IGF1: variants seen among roughly 807,000 people sequenced by gnomAD.
The protein encoded by IGF1 is insulin-like growth factor 1.
IGF1 carries 4 observed loss-of-function variants against 13.8 expected under a neutral mutation model. The observed-to-expected ratio is 0.29, with a 90% CI of 0.14 to 0.66. The LOEUF is 0.66. Among genes scored for constraint, IGF1 ranks in the 30% least tolerant of loss-of-function variants. The pLI is 0.78. For synonymous variants in IGF1, 76 were observed against 72.6 expected, an observed-to-expected ratio of 1.05 and a Z score of -0.23; for missense variants, 124 against 188.5, an observed-to-expected ratio of 0.66 and a Z score of 2.00.
rs569023467 is a variant in IGF1 at position 102,404,819 on chromosome 12, G to A, written c.403-2253C>T. Among the ~76,000 whole-genome samples the A allele has an allele frequency of 1.0e-4, 15 of 149,792 alleles. No individual in the cohort carries two copies. The South Asian group carries it at 1.1e-3, about 11-fold the overall frequency. ...GTCACCCAGGCTGGAGTGCAGTGGC[G>A]CGTTCTCAGCTCACTGCAACCTCTG... On this transcript the variant is annotated intron_variant, in intron 3 of 3. Transcript: ENST00000337514.
intron 2 of IGF1, among the ~76,000 whole-genome samples, chr12:102,434,096 A>G (rs1392664546): frequency 6.6e-6 from 1 of 151,052 alleles, no homozygotes; most frequent in Admixed American, 6.6e-5. Context: ...TTTTGATTTC[A>G]CTTGTTTCAT....
intron 2 of IGF1, among the ~76,000 whole-genome samples, chr12:102,432,450 A>T (rs146922873): frequency 6.6e-6 from 1 of 152,326 alleles, no homozygotes; most frequent in African/African-American, 2.4e-5. Flanking sequence ...ATTATCAGAC[A>T]ATCCTATTTT....
chr12:102,447,243 G>A lies in IGF1; in HGVS notation c.221-27553C>T, dbSNP rs145274162. On this transcript the variant is annotated intron_variant, in intron 2 of 3. Coordinates refer to ENST00000337514, the MANE Select transcript of IGF1 (RefSeq NM_000618.5). ...AGTTCTGTAGATGTCTATCAGGTCC[G>A]CTTGATCCAGAGCTGAGTTCAAGTC... Among the ~76,000 whole-genome samples, 356 of 152,208 alleles carry A rather than the reference G, an allele frequency of 2.3e-3. 1 individual carries two copies. Among genetic ancestry groups the A allele is most frequent in the African/African-American group, 7.8e-3 (322 of 41,528 alleles).
chr12:102,439,962 A>C (rs1402317996), intron 2 of IGF1, among the ~76,000 whole-genome samples: 1 of 152,174 alleles, frequency 6.6e-6, no homozygotes, highest in East Asian at 1.9e-4. Flanking sequence ...TGCTGACCCC[A>C]GGCGCTGTGG....
chr12:102,456,747 A>C (rs994981119), intron 2 of IGF1, among the ~76,000 whole-genome samples: 1 of 152,182 alleles, frequency 6.6e-6, no homozygotes, highest in African/African-American at 2.4e-5. Context: ...AGCAATTCCT[A>C]CATTTGCCCT....
At chr12:102,445,136 G>A (rs546270063) in intron 2 of IGF1, among the ~76,000 whole-genome samples, 12 of 152,138 alleles carry the variant, frequency 7.9e-5, no homozygotes, top group Admixed American at 2.0e-4. Context: ...TTTGGTTACC[G>A]TAGACTTGTA....
Position 102,402,331 on chromosome 12 carries a change from C to T in IGF1, c.*176G>A. The T allele has an allele frequency of 1.5e-6, 1 of 672,876 alleles. No homozygotes were observed. The highest frequency in any genetic ancestry group is 2.7e-6 in the Non-Finnish European group (1 of 366,842). The allele number at this position is 672,876 out of a possible 1,614,324, so 41.7% of individuals were successfully genotyped here. On this transcript the variant is annotated 3_prime_UTR_variant, in exon 4 of 4. Coordinates refer to ENST00000337514, the MANE Select transcript of IGF1 (RefSeq NM_000618.5). Reference sequence around the variant, plus strand: ...AGGACCATTTTTGCAAGGTGCAAATCACTCCTAAAGACAATGTTGGAATGT... The same window carrying T: ...AGGACCATTTTTGCAAGGTGCAAATTACTCCTAAAGACAATGTTGGAATGT...
Position 102,428,236 on chromosome 12 carries a change from G to GTATA in IGF1, c.221-8550_221-8547dup, listed in dbSNP as rs56947594. 2.3e-3 allele frequency among the ~76,000 whole-genome samples: 157 copies of GTATA among 69,578 alleles called. 29 individuals carry two copies. Among genetic ancestry groups the GTATA allele is most frequent in the South Asian group, 0.018 (33 of 1,872 alleles). The allele number at this position is 69,578 out of a possible 152,430, so 45.6% of individuals were successfully genotyped here. A position where few individuals can be genotyped will look rare whatever the true frequency, so the allele number is the denominator to read the frequency against. Reference sequence around the variant, plus strand: ...CGACCCACTTTGTAATCAATAATGTGTATATATATATATGGCATATTAATG... The same window carrying GTATA: ...CGACCCACTTTGTAATCAATAATGTGTATATATATATATATATGGCATATTAATG... On this transcript the variant is annotated intron_variant, in intron 2 of 3. Coordinates refer to ENST00000337514, the MANE Select transcript of IGF1 (RefSeq NM_000618.5).
intron 2 of IGF1, among the ~76,000 whole-genome samples, chr12:102,438,563 G>A (rs781244138): frequency 4.6e-5 from 7 of 152,040 alleles, no homozygotes; most frequent in African/African-American, 7.3e-5. Context: ...ATAGACCACC[G>A]GACTCTCATT....
At chr12:102,419,175 A>C (rs750636322) in intron 3 of IGF1, among the ~76,000 whole-genome samples, 20 of 152,210 alleles carry the variant, frequency 1.3e-4, no homozygotes, top group Non-Finnish European at 2.4e-4. Flanking sequence ...TACTGATGAA[A>C]CTGAGGCTTG....
intron 2 of IGF1, among the ~76,000 whole-genome samples, chr12:102,447,520 T>A (rs937589320): frequency 7.2e-5 from 11 of 152,242 alleles, no homozygotes; most frequent in Non-Finnish European, 1.5e-4. Context: ...AAAGTCTGTT[T>A]TATCAGAGAC....
intron 3 of IGF1, among the ~76,000 whole-genome samples, chr12:102,411,365 GT>G (rs1305653483): frequency 6.6e-6 from 1 of 152,072 alleles, no homozygotes; most frequent in East Asian, 1.9e-4. Flanking sequence ...TGGAACTTTT[GT>G]CTTGCCATAA....
intron 2 of IGF1, among the ~76,000 whole-genome samples, chr12:102,453,705 G>C (rs780078192): frequency 9.2e-5 from 14 of 152,328 alleles, no homozygotes; most frequent in Admixed American, 5.9e-4. Flanking sequence ...GGCTAGGGAT[G>C]TGGGGATGGA....
chr12:102,405,893 A>G (rs1012611236), intron 3 of IGF1, among the ~76,000 whole-genome samples: 2 of 152,240 alleles, frequency 1.3e-5, no homozygotes, highest in African/African-American at 4.8e-5. Flanking sequence ...TTGACCAACC[A>G]CATACATCCT....
At chr12:102,422,110 G>A (rs763944760) in intron 2 of IGF1, among the ~76,000 whole-genome samples, 1 of 152,180 alleles carries the variant, frequency 6.6e-6, no homozygotes, top group Non-Finnish European at 1.5e-5. Flanking sequence ...CAAACTCTAA[G>A]CTCATCTAAA....
chr12:102,474,370 G>A (rs1160821868), intron 2 of IGF1, among the ~76,000 whole-genome samples: 2 of 152,202 alleles, frequency 1.3e-5, no homozygotes, highest in Admixed American at 1.3e-4. Flanking sequence ...AATAGTAGAA[G>A]GCACTTCTGA....
intron 1 of IGF1, among the ~76,000 whole-genome samples, chr12:102,478,179 A>G (rs1267120594): frequency 6.6e-6 from 1 of 152,010 alleles, no homozygotes; most frequent in Non-Finnish European, 1.5e-5. Flanking sequence ...TTAGGAGTTT[A>G]AAGTGTGAAA....
At chr12:102,468,019 C>T in intron 2 of IGF1, among the ~76,000 whole-genome samples, 1 of 152,276 alleles carries the variant, frequency 6.6e-6, no homozygotes, top group East Asian at 1.9e-4. Context: ...TCAAGGACTT[C>T]TAAGTTTGTA....
At position 102,397,697 on chromosome 12, in the gene IGF1, A is replaced by G. The variant is rs1873330945; in HGVS notation, c.*4810T>C. 1 of 152,200 alleles carries G rather than the reference A, an allele frequency of 6.6e-6. No homozygotes were observed. The highest frequency in any genetic ancestry group is 1.5e-5 in the Non-Finnish European group (1 of 68,028). 9.4% of individuals were successfully genotyped at this position (152,200 alleles called of 1,614,324 possible). ...CCTTTTGTTGTTGCCCCCCTACCAG[A>G]TCTGGACTTTATGGTCTTTGCAAGG... is the stretch of plus-strand genomic sequence containing the variant. On this transcript the variant is annotated 3_prime_UTR_variant, in exon 4 of 4. Transcript: ENST00000337514.
Sources: gnomAD v4.1 joint callset for allele counts (sites outside exome capture counted in the v4.1 genomes callset) on GRCh38, gnomAD v4.1.1 for gene constraint, MANE v1.5 for transcripts, NCBI Gene and HGNC (gene_info 2026-07-23, HGNC 2026-07-21) for gene names.